The following WNT9B variants were observed in gnomAD, a reference collection of about 807,000 sequenced individuals.
The protein encoded by WNT9B is protein Wnt-9b.
WNT9B carries 12 observed loss-of-function variants against 30.2 expected under a neutral mutation model. The ratio of observed to expected loss-of-function variants is 0.40; its 90% confidence interval spans 0.26 to 0.64. The LOEUF is 0.64. Among genes scored for constraint, WNT9B ranks in the 30% least tolerant of loss-of-function variants. WNT9B has a pLI of 0.42. For synonymous variants in WNT9B, 218 were observed against 216.9 expected, an observed-to-expected ratio of 1.01 and a Z score of -0.05; for missense variants, 442 against 485.2, an observed-to-expected ratio of 0.91 and a Z score of 0.84.
downstream of WNT9B, among the ~76,000 whole-genome samples, chr17:46,882,056 C>T (rs891113366): frequency 7.9e-5 from 12 of 152,078 alleles, no homozygotes; most frequent in Non-Finnish European, 1.3e-4. Flanking sequence ...TTGGAGAGGC[C>T]GAGGCAGGAA....
intron 1 of WNT9B, among the ~76,000 whole-genome samples, chr17:46,852,781 A>G (rs2084875827): frequency 6.6e-6 from 1 of 152,088 alleles, no homozygotes; most frequent in Non-Finnish European, 1.5e-5. Flanking sequence ...AGGCAAGAAA[A>G]CACCAAGCAA....
In WNT9B at chr17:46,869,756, TG is replaced by T. The variant is rs199953514; in HGVS notation, c.78-2758del. Among the ~76,000 whole-genome samples the T allele has an allele frequency of 8.9e-3, 1,355 of 152,266 alleles. 9 individuals carry two copies. The highest frequency in any genetic ancestry group is 0.031 in the Middle Eastern group (9 of 294). The stretch of plus-strand genomic sequence containing the variant: ...GCTCACGTCTGTAATTCCAGCACTC[TG>T]GGAGGCTGAGGCGGGCAGGTCACTT... On this transcript the variant is annotated intron_variant, in intron 1 of 3. Coordinates refer to ENST00000290015, the MANE Select transcript of WNT9B (RefSeq NM_003396.3).
chr17:46,856,440 T>A (rs1205017420), intron 1 of WNT9B, among the ~76,000 whole-genome samples: 1 of 152,156 alleles, frequency 6.6e-6, no homozygotes, highest in Admixed American at 6.6e-5. Flanking sequence ...AATCTTTATT[T>A]TCCCCCCAAA....
chr17:46,874,976 C>T (rs772350539), intron 2 of WNT9B, 125 bp from the exon 3 acceptor site: 1 of 1,455,182 alleles, frequency 6.9e-7, no homozygotes, highest in Non-Finnish European at 9.6e-7. Flanking sequence ...ATTCTCTTGT[C>T]CTGCCCATCA....
At chr17:46,874,112 C>A (rs1186307168) in intron 2 of WNT9B, among the ~76,000 whole-genome samples, 1 of 152,090 alleles carries the variant, frequency 6.6e-6, no homozygotes, top group African/African-American at 2.4e-5. Context: ...CGGGACATCA[C>A]CAGCACCCAG....
chr17:46,851,038 G>A (rs930787142), upstream of WNT9B, among the ~76,000 whole-genome samples: 1 of 152,212 alleles, frequency 6.6e-6, no homozygotes, highest in Non-Finnish European at 1.5e-5. This position sits in a 1 kb window ranked among gnomAD's most constrained non-coding sequence, Gnocchi z 4.3. Context: ...GGTCCCCTGA[G>A]CCATTGGACA....
exon 5 of WNT9B, chr17:46,886,238 G>A (rs1439475198): frequency 6.6e-6 from 1 of 152,256 alleles, no homozygotes; most frequent in Non-Finnish European, 1.5e-5. Context: ...AGTTGCATTG[G>A]TATGAAGCAT....
intron 1 of WNT9B, among the ~76,000 whole-genome samples, chr17:46,870,245 C>T (rs1055135731): frequency 2.0e-5 from 3 of 152,134 alleles, no homozygotes; most frequent in South Asian, 4.1e-4. Context: ...CACCAGCCCT[C>T]GGTGTGAGAA....
chr17:46,840,955 C>T (rs2146523521), intron 1 of WNT9B, among the ~76,000 whole-genome samples: 1 of 152,268 alleles, frequency 6.6e-6, no homozygotes, highest in African/African-American at 2.4e-5. Context: ...GAAGTGGAGG[C>T]AGAAAGCAGC....
intron 1 of WNT9B, among the ~76,000 whole-genome samples, chr17:46,866,000 T>A (rs1410039085): frequency 1.3e-5 from 2 of 151,528 alleles, no homozygotes; most frequent in Non-Finnish European, 2.9e-5. Context: ...AAAGAGGGGG[T>A]GGAGAGAGTT....
intron 1 of WNT9B, among the ~76,000 whole-genome samples, chr17:46,870,438 T>G (rs549156631): frequency 3.3e-5 from 5 of 151,892 alleles, no homozygotes; most frequent in Non-Finnish European, 7.4e-5. Context: ...CCTGGTGGAC[T>G]GGAAAATTAC....
chr17:46,840,000 CTTCTTTCTTTCTTTCTTTCT>C (rs71138556), intron 1 of WNT9B, among the ~76,000 whole-genome samples: 28 of 125,114 alleles, frequency 2.2e-4, no homozygotes, highest in African/African-American at 7.8e-4. Context: ...TTTTTTCTTT[CTTCTTTCTTTCTTTCTTTCT>C]TTCTTTCTTT....
chr17:46,882,070 C>T (rs1008201034), downstream of WNT9B, among the ~76,000 whole-genome samples: 8 of 152,186 alleles, frequency 5.3e-5, no homozygotes, highest in Admixed American at 4.6e-4. Flanking sequence ...GCAGGAAGAT[C>T]GCTTGAGCCC....
chr17:46,841,666 CT>C (rs1480899686), intron 1 of WNT9B, among the ~76,000 whole-genome samples: 1 of 152,110 alleles, frequency 6.6e-6, no homozygotes, highest in African/African-American at 2.4e-5. Flanking sequence ...CGGGTAGGGG[CT>C]GGCCGGGAGC....
intron 1 of WNT9B, among the ~76,000 whole-genome samples, chr17:46,864,168 A>C (rs2085093210): frequency 6.6e-6 from 1 of 152,184 alleles, no homozygotes; most frequent in African/African-American, 2.4e-5. Flanking sequence ...AGAACCTGTC[A>C]AGGTAGTTAG....
At chr17:46,838,242 A>T (rs2084656336) in intron 1 of WNT9B, among the ~76,000 whole-genome samples, 1 of 151,870 alleles carries the variant, frequency 6.6e-6, no homozygotes, top group Non-Finnish European at 1.5e-5. Flanking sequence ...AATTGGTGGT[A>T]AGGTGGGGAG....
intron 1 of WNT9B, among the ~76,000 whole-genome samples, chr17:46,861,964 G>A (rs549135707): frequency 6.6e-6 from 1 of 152,228 alleles, no homozygotes; most frequent in East Asian, 1.9e-4. Context: ...AGGAGTTTGA[G>A]AACAGCCTGG....
downstream of WNT9B, among the ~76,000 whole-genome samples, chr17:46,883,862 G>T (rs188579886): frequency 1.2e-3 from 182 of 152,216 alleles, no homozygotes; most frequent in African/African-American, 4.2e-3. Flanking sequence ...TGCCTCTCAC[G>T]CGTCTTATCC....
At chr17:46,853,301 G>A (rs994898162) in intron 1 of WNT9B, among the ~76,000 whole-genome samples, 1 of 145,736 alleles carries the variant, frequency 6.9e-6, no homozygotes. Flanking sequence ...GATTGAGCTA[G>A]TACATGTAAA....
Sources: allele counts gnomAD v4.1 joint callset (sites outside exome capture counted in the v4.1 genomes callset), GRCh38; gene constraint gnomAD v4.1.1; non-coding constraint Gnocchi (gnomAD v3.1); transcripts MANE v1.5; gene names NCBI Gene and HGNC (gene_info 2026-07-23, HGNC 2026-07-21).